The following DCAF5 variants were observed in gnomAD, a reference collection of about 807,000 sequenced individuals.
The protein encoded by DCAF5 is DDB1 and CUL4 associated factor 5.
A neutral mutation model predicts 80.7 loss-of-function variants in DCAF5; 9 were observed. The ratio of observed to expected loss-of-function variants is 0.11; its 90% CI spans 0.07 to 0.19. The LOEUF (loss-of-function observed/expected upper bound fraction) is 0.19, where lower values mean the gene tolerates loss of function less well. Ranked by LOEUF, DCAF5 falls within the 10% of genes least tolerant of loss-of-function variation. The probability of loss-of-function intolerance (pLI) is 1.00; values close to 1 mark genes in which losing one functional copy is unlikely to be tolerated. For synonymous variants in DCAF5, 433 were observed against 461.9 expected, an observed-to-expected ratio of 0.94 and a Z score of 0.80; for missense variants, 842 against 1,205.7, an observed-to-expected ratio of 0.70 and a Z score of 4.47.
intron 1 of DCAF5, among the ~76,000 whole-genome samples, chr14:69,133,931 G>C (rs2041115581): frequency 6.6e-6 from 1 of 152,202 alleles, no homozygotes; most frequent in South Asian, 2.1e-4. Context: ...ACTAATAGCA[G>C]TGGAGTTTAA....
chr14:69,100,900 A>G (rs963158256), intron 5 of DCAF5, among the ~76,000 whole-genome samples: 2 of 152,242 alleles, frequency 1.3e-5, no homozygotes, highest in Admixed American at 6.5e-5. Flanking sequence ...ACAAAATAGA[A>G]AGTTCAAACT....
chr14:69,107,995 T>TCC (rs2040224071), intron 5 of DCAF5, among the ~76,000 whole-genome samples: 1 of 152,112 alleles, frequency 6.6e-6, no homozygotes, highest in Non-Finnish European at 1.5e-5. Flanking sequence ...GCCTCCTTTC[T>TCC]GTGAAGCAGC....
At chr14:69,107,137 C>T (rs560307871) in intron 5 of DCAF5, among the ~76,000 whole-genome samples, 3 of 152,090 alleles carry the variant, frequency 2.0e-5, no homozygotes, top group Non-Finnish European at 4.4e-5. Context: ...TTGGGGAATA[C>T]GAAAGGAAGA....
At chr14:69,084,645 A>C in intron 6 of DCAF5, 1 of 1,042,226 alleles carries the variant, frequency 9.6e-7, no homozygotes, top group South Asian at 1.4e-5. Context: ...CTTAAGAAGA[A>C]CCAAAAAAAG....
intron 6 of DCAF5, chr14:69,090,449 G>A (rs956589781): frequency 1.3e-5 from 2 of 152,268 alleles, no homozygotes; most frequent in African/African-American, 4.8e-5. Flanking sequence ...TCCAACATGA[G>A]TATAAATTCT....
At chr14:69,104,729 C>T (rs2040074973) in intron 5 of DCAF5, among the ~76,000 whole-genome samples, 1 of 151,882 alleles carries the variant, frequency 6.6e-6, no homozygotes, top group Non-Finnish European at 1.5e-5. Flanking sequence ...TAGCAGCGGG[C>T]GCCTGTAATC....
At chr14:69,101,556 T>C (rs1292415263) in intron 5 of DCAF5, among the ~76,000 whole-genome samples, 4 of 152,210 alleles carry the variant, frequency 2.6e-5, no homozygotes, top group African/African-American at 7.2e-5. Context: ...GAGTCAAAGG[T>C]TGACTCAAAT....
In DCAF5 at chr14:69,054,967, C is replaced by T; in HGVS notation, c.1719G>A (p.Glu573=). Residue 573 remains glutamate, a synonymous_variant, in exon 9 of 9, where the codon GAG becomes GAA. Transcript: ENST00000341516. The part of the protein sequence containing the change: ...SSSSSSEDEE[E]LNERRASTWQ... ...AGGTAGAGGCTCGGCGTTCATTCAG[C>T]TCCTCCTCATCCTCAGAGCTGCTAG... The T allele has an allele frequency of 6.2e-7, 1 of 1,614,206 alleles. No individual in the cohort carries two copies. Among genetic ancestry groups the T allele is most frequent in the Non-Finnish European group, 8.5e-7 (1 of 1,180,018 alleles).
At chr14:69,099,743 G>A (rs1288841546) in intron 5 of DCAF5, among the ~76,000 whole-genome samples, 1 of 151,270 alleles carries the variant, frequency 6.6e-6, no homozygotes, top group African/African-American at 2.4e-5. Context: ...AGGGGTTTGA[G>A]GCCAGCCTGG....
At chr14:69,080,851 G>A (rs2039073617) in intron 6 of DCAF5, among the ~76,000 whole-genome samples, 1 of 151,874 alleles carries the variant, frequency 6.6e-6, no homozygotes, top group Non-Finnish European at 1.5e-5. Flanking sequence ...TTCAACTTTA[G>A]AAAGGCAAAA....
intron 1 of DCAF5, among the ~76,000 whole-genome samples, chr14:69,151,163 T>G (rs2041690682): frequency 6.6e-6 from 1 of 152,122 alleles, no homozygotes; most frequent in South Asian, 2.1e-4. Context: ...TTTGATAAAA[T>G]TTTATACGGT....
Position 69,114,047 on chromosome 14 carries a change from A to G in DCAF5, c.665+2319T>C, listed in dbSNP as rs151225760. On this transcript the variant is annotated intron_variant, in intron 5 of 8. Transcript: ENST00000341516. The stretch of plus-strand genomic sequence containing the variant: ...TAATTGAAGAAGAACTCAAAACAAG[A>G]TATCATTTTTCCCCCATAATACTAG... 5.8e-3 allele frequency among the ~76,000 whole-genome samples: 883 copies of G among 152,260 alleles called. 3 individuals are homozygous for G. Among genetic ancestry groups the G allele is most frequent in the African/African-American group, 0.018 (748 of 41,536 alleles).
intron 8 of DCAF5, among the ~76,000 whole-genome samples, chr14:69,058,747 C>A (rs1025502390): frequency 7.9e-5 from 12 of 151,356 alleles, no homozygotes. Flanking sequence ...GTGGTGTACA[C>A]CTGAAGTCCC....
intron 6 of DCAF5, chr14:69,091,151 G>T (rs1417097562): frequency 1.3e-6 from 1 of 742,506 alleles, no homozygotes; most frequent in South Asian, 1.4e-5. Flanking sequence ...ATTTCCAGTT[G>T]TGATGCTGGC....
intron 1 of DCAF5, 43 bp from the exon 2 acceptor site, chr14:69,122,403 C>A: frequency 6.3e-7 from 1 of 1,580,756 alleles, no homozygotes; most frequent in Non-Finnish European, 8.7e-7. Flanking sequence ...CAGCTGACAT[C>A]GCAAGGCTGA....
At chr14:69,104,729 C>G (rs2040074973) in intron 5 of DCAF5, among the ~76,000 whole-genome samples, 1 of 151,882 alleles carries the variant, frequency 6.6e-6, no homozygotes, top group African/African-American at 2.4e-5. Context: ...TAGCAGCGGG[C>G]GCCTGTAATC....
intron 7 of DCAF5, among the ~76,000 whole-genome samples, chr14:69,063,786 C>G (rs1299926919): frequency 1.3e-5 from 2 of 152,176 alleles, no homozygotes; most frequent in Non-Finnish European, 2.9e-5. Flanking sequence ...CTTATTGCCA[C>G]GTACATATCT....
At chr14:69,131,035 A>T (rs2041024026) in intron 1 of DCAF5, among the ~76,000 whole-genome samples, 1 of 152,214 alleles carries the variant, frequency 6.6e-6, no homozygotes, top group Non-Finnish European at 1.5e-5. Flanking sequence ...CACAGCTCTC[A>T]AATTGTCCTT....
Position 69,055,673 on chromosome 14 carries a change from G to T in DCAF5, c.1075-62C>A. On this transcript the variant is annotated intron_variant, in intron 8 of 8. Transcript: ENST00000341516. The surrounding 1 kb of genome is among the most constrained non-coding windows in gnomAD (Gnocchi z 5.6). ...AACTGGAAAGTATTCTTTCACTGGTGGTGATAAAGAACACCAAGGCAGAAC... is the reference window on the plus strand; with the variant it reads ...AACTGGAAAGTATTCTTTCACTGGTTGTGATAAAGAACACCAAGGCAGAAC... The T allele has an allele frequency of 6.6e-7, 1 of 1,507,664 alleles. No homozygotes were observed. Among genetic ancestry groups the T allele is most frequent in the Non-Finnish European group, 9.0e-7 (1 of 1,112,716 alleles). 93.4% of individuals were successfully genotyped at this position (1,507,664 alleles called of 1,614,324 possible). A position where few individuals can be genotyped will look rare whatever the true frequency, so the allele number is the denominator to read the frequency against.
Sources: gnomAD v4.1 joint callset for allele counts (sites outside exome capture counted in the v4.1 genomes callset) on GRCh38, gnomAD v4.1.1 for gene constraint, Gnocchi (gnomAD v3.1) non-coding constraint, MANE v1.5 for transcripts, NCBI Gene and HGNC (gene_info 2026-07-23, HGNC 2026-07-21) for gene names.